THSD7A: variants seen among roughly 807,000 people sequenced by gnomAD.
The protein encoded by THSD7A is thrombospondin type-1 domain-containing protein 7A.
A neutral mutation model predicts 231.3 loss-of-function variants in THSD7A; 96 were observed. The ratio of observed to expected loss-of-function variants is 0.41; its 90% CI spans 0.35 to 0.49. THSD7A has a LOEUF of 0.49. Among genes scored for constraint, THSD7A ranks in the 20% least tolerant of loss-of-function variants. The pLI is 0.05. For synonymous variants in THSD7A, 940 were observed against 743.3 expected, an observed-to-expected ratio of 1.26 and a Z score of -4.30; for missense variants, 2,290 against 2,070.2, an observed-to-expected ratio of 1.11 and a Z score of -2.06.
At chr7:11,727,035 C>T (rs530004544) in intron 1 of THSD7A, among the ~76,000 whole-genome samples, 2 of 152,108 alleles carry the variant, frequency 1.3e-5, no homozygotes, top group East Asian at 3.9e-4. Context: ...AGGCTCACTT[C>T]ACAGGCATCC....
At chr7:11,589,257 T>C (rs1780053744) in intron 4 of THSD7A, among the ~76,000 whole-genome samples, 1 of 152,156 alleles carries the variant, frequency 6.6e-6, no homozygotes, top group Non-Finnish European at 1.5e-5. Context: ...TCTCATCTCC[T>C]TTCCTCCCCT....
intron 5 of THSD7A, 83 bp from the exon 6 acceptor site, chr7:11,541,714 A>G: frequency 7.6e-7 from 1 of 1,323,840 alleles, no homozygotes; most frequent in South Asian, 1.3e-5. Context: ...TCAGAGTAAA[A>G]GTTGGATAAG....
At chr7:11,530,736 A>C (rs12670615) in intron 6 of THSD7A, among the ~76,000 whole-genome samples, 1 of 151,908 alleles carries the variant, frequency 6.6e-6, no homozygotes, top group African/African-American at 2.4e-5. Context: ...CTGCCCAGGC[A>C]TGGTGGCTCA....
At chr7:11,542,118 G>T (rs1374860542) in intron 5 of THSD7A, among the ~76,000 whole-genome samples, 2 of 152,180 alleles carry the variant, frequency 1.3e-5, no homozygotes, top group African/African-American at 4.8e-5. Flanking sequence ...CTAAGAAGTT[G>T]GATGGTTCCA....
In THSD7A at chr7:11,696,975, G is replaced by A. The variant is rs147038997; in HGVS notation, c.191-60014C>T. Among the ~76,000 whole-genome samples the A allele has an allele frequency of 9.2e-4, 139 of 151,468 alleles. 1 individual carries two copies. Among genetic ancestry groups the A allele is most frequent in the African/African-American group, 3.2e-3 (132 of 41,428 alleles). ...CAAGAAGACTGGAAATAGGAATTCT[G>A]TGGAGAATATCAAACCTTTAAATAG... On this transcript the variant is annotated intron_variant, in intron 1 of 27. Coordinates refer to ENST00000423059, the MANE Select transcript of THSD7A (RefSeq NM_015204.3).
intron 1 of THSD7A, among the ~76,000 whole-genome samples, chr7:11,744,080 T>C (rs1053138972): frequency 6.6e-6 from 1 of 151,906 alleles, no homozygotes; most frequent in African/African-American, 2.4e-5. Flanking sequence ...GATGCCCTGA[T>C]TTTTAAGGAA....
intron 4 of THSD7A, among the ~76,000 whole-genome samples, chr7:11,546,515 A>C (rs45): frequency 0.77 from 117,418 of 152,058 alleles, 46,076 homozygotes; most frequent in African/African-American, 0.9. Context: ...CCAATTTATA[A>C]CACTGTCAAA....
At chr7:11,454,758 G>C (rs985891684) in intron 11 of THSD7A, among the ~76,000 whole-genome samples, 2 of 151,754 alleles carry the variant, frequency 1.3e-5, no homozygotes, top group African/African-American at 2.4e-5. Context: ...GAAATATGTA[G>C]CATGCATTCA....
chr7:11,765,085 T>A (rs576101410), intron 1 of THSD7A, among the ~76,000 whole-genome samples: 6 of 151,856 alleles, frequency 4.0e-5, no homozygotes, highest in African/African-American at 1.4e-4. Context: ...ATTCAAAAAA[T>A]CTACCAAAAA....
chr7:11,466,277 G>A (rs1233119738), intron 9 of THSD7A, among the ~76,000 whole-genome samples: 1 of 152,086 alleles, frequency 6.6e-6, no homozygotes, highest in Admixed American at 6.6e-5. Context: ...ATTCAACTTT[G>A]CTTAGCATTT....
intron 1 of THSD7A, among the ~76,000 whole-genome samples, chr7:11,682,329 A>G (rs1056411330): frequency 3.3e-5 from 5 of 152,136 alleles, no homozygotes; most frequent in African/African-American, 1.2e-4. Context: ...ATTTTTAAAA[A>G]GTTAACCTTC....
intron 1 of THSD7A, among the ~76,000 whole-genome samples, chr7:11,685,106 AAAAGT>A (rs1338326725): frequency 1.2e-4 from 18 of 152,100 alleles, no homozygotes; most frequent in African/African-American, 4.3e-4. Flanking sequence ...CAAAGTCAGC[AAAAGT>A]AAATAATGGG....
intron 23 of THSD7A, among the ~76,000 whole-genome samples, chr7:11,392,926 A>G (rs1783041315): frequency 6.6e-6 from 1 of 152,210 alleles, no homozygotes; most frequent in African/African-American, 2.4e-5. Flanking sequence ...GGGATAGGAT[A>G]GAGCACCTGG....
intron 1 of THSD7A, among the ~76,000 whole-genome samples, chr7:11,753,049 A>T (rs1782556434): frequency 6.6e-6 from 1 of 152,130 alleles, no homozygotes; most frequent in Admixed American, 6.6e-5. Context: ...TAAAATTTTA[A>T]TGTTTCCTCT....
At chr7:11,436,349 G>C (rs888309749) in intron 13 of THSD7A, among the ~76,000 whole-genome samples, 9 of 152,164 alleles carry the variant, frequency 5.9e-5, no homozygotes, top group Non-Finnish European at 1.0e-4. Context: ...GAAAGTATTT[G>C]CAAAGGATGA....
At chr7:11,552,673 A>G (rs1210684853) in intron 4 of THSD7A, among the ~76,000 whole-genome samples, 2 of 152,250 alleles carry the variant, frequency 1.3e-5, no homozygotes, top group Admixed American at 1.3e-4. Flanking sequence ...AGCTGCAGTC[A>G]TAGAAGCTGG....
intron 22 of THSD7A, among the ~76,000 whole-genome samples, chr7:11,404,935 G>A (rs1456553238): frequency 6.6e-6 from 1 of 152,050 alleles, no homozygotes; most frequent in Non-Finnish European, 1.5e-5. Context: ...TTGAGAAGGA[G>A]CTGCTATTCA....
intron 6 of THSD7A, among the ~76,000 whole-genome samples, chr7:11,505,982 A>C (rs923993940): frequency 6.6e-6 from 1 of 152,164 alleles, no homozygotes; most frequent in Non-Finnish European, 1.5e-5. Context: ...GAAGCAAATT[A>C]AATACAATTT....
At chr7:11,593,646 T>G in intron 2 of THSD7A, 144 bp from the exon 3 acceptor site, 1 of 995,122 alleles carries the variant, frequency 1.0e-6, no homozygotes, top group African/African-American at 1.6e-5. Flanking sequence ...CATCAACATT[T>G]ATGATGTGGA....
Sources: gnomAD v4.1 joint callset for allele counts (sites outside exome capture counted in the v4.1 genomes callset) on GRCh38, gnomAD v4.1.1 for gene constraint, MANE v1.5 for transcripts, NCBI Gene and HGNC (gene_info 2026-07-23, HGNC 2026-07-21) for gene names.